The following CLCN5 variants were observed in gnomAD, a reference collection of about 807,000 sequenced individuals.
CLCN5 encodes the protein H(+)/Cl(-) exchange transporter 5.
CLCN5 carries 17 observed loss-of-function variants against 54.0 expected under a neutral mutation model. The observed-to-expected ratio is 0.31, with a 90% confidence interval of 0.22 to 0.47. CLCN5 has a LOEUF of 0.47. CLCN5 is among the 20% of genes least tolerant of loss of function. The probability of loss-of-function intolerance (pLI) is 1.00; values close to 1 mark genes in which losing one functional copy is unlikely to be tolerated. For synonymous variants in CLCN5, 222 were observed against 233.0 expected (o/e 0.95, Z 0.43); for missense variants, 448 against 646.7 (o/e 0.69, Z 3.33).
intron 3 of CLCN5, among the ~76,000 whole-genome samples, chrX:49,983,070 TCAAAA>T (rs1482197622): frequency 1.8e-5 from 2 of 112,063 alleles, no homozygotes; most frequent in African/African-American, 6.5e-5. Flanking sequence ...TGCATATCAC[TCAAAA>T]CAAATGATCA....
chrX:50,056,944 G>A (rs1359401456), intron 4 of CLCN5, among the ~76,000 whole-genome samples: 1 of 111,652 alleles, frequency 9.0e-6, no homozygotes, highest in African/African-American at 3.3e-5. Context: ...CCCTTTTATT[G>A]TCTAGCTCTC....
intron 3 of CLCN5, among the ~76,000 whole-genome samples, chrX:49,959,048 T>TC (rs1927470405): frequency 9.0e-6 from 1 of 111,354 alleles, no homozygotes; most frequent in African/African-American, 3.3e-5. Flanking sequence ...CCTTTTTTTT[T>TC]CTTCAAGATC....
chrX:49,987,282 GT>G (rs1557178390), intron 3 of CLCN5, among the ~76,000 whole-genome samples: 2 of 111,868 alleles, frequency 1.8e-5, no homozygotes, highest in Non-Finnish European at 3.8e-5. Context: ...CAGCCACATA[GT>G]TTTTTGCTAT....
At chrX:49,983,349 T>C (rs1006198016) in intron 3 of CLCN5, among the ~76,000 whole-genome samples, 1 of 111,864 alleles carries the variant, frequency 8.9e-6, no homozygotes, top group African/African-American at 3.2e-5. Context: ...ATTTTTTTAC[T>C]AACACGATGA....
At chrX:49,932,008 C>T (rs1925680757) in intron 3 of CLCN5, among the ~76,000 whole-genome samples, 1 of 111,374 alleles carries the variant, frequency 9.0e-6, no homozygotes, top group African/African-American at 3.3e-5. Context: ...CTCAAACTCC[C>T]AGGCTCAAGC....
chrX:49,933,243 A>C (rs1379952104), intron 3 of CLCN5, among the ~76,000 whole-genome samples: 1 of 111,972 alleles, frequency 8.9e-6, no homozygotes, highest in Non-Finnish European at 1.9e-5. Flanking sequence ...AATAATAAAG[A>C]AATAAATTTA....
intron 3 of CLCN5, among the ~76,000 whole-genome samples, chrX:49,932,439 C>T (rs1557169005): frequency 8.9e-6 from 1 of 111,772 alleles, no homozygotes; most frequent in African/African-American, 3.3e-5. Context: ...ACTTTTATAA[C>T]AGAAAACAAG....
intron 3 of CLCN5, among the ~76,000 whole-genome samples, chrX:49,978,617 G>C (rs1928592028): frequency 8.9e-6 from 1 of 112,590 alleles, no homozygotes; most frequent in African/African-American, 3.2e-5. Flanking sequence ...ATAATGTAAG[G>C]CTTCATTTCC....
intron 8 of CLCN5, 27 bp downstream of exon 8, chrX:50,080,743 T>C: frequency 8.7e-7 from 1 of 1,153,335 alleles, no homozygotes; most frequent in Non-Finnish European, 1.2e-6. Context: ...GGTTTATAAA[T>C]GGTTACAATA....
intron 3 of CLCN5, among the ~76,000 whole-genome samples, chrX:49,962,709 T>G (rs1270611907): frequency 8.9e-6 from 1 of 111,931 alleles, no homozygotes; most frequent in Non-Finnish European, 1.9e-5. Context: ...TTTAGTTGAT[T>G]AGGCTTTAAA....
chrX:49,944,312 G>C (rs1926561808), intron 3 of CLCN5, among the ~76,000 whole-genome samples: 1 of 111,567 alleles, frequency 9.0e-6, no homozygotes, highest in Admixed American at 9.5e-5. Context: ...GGGCTGAGAT[G>C]ATGGGGTTTT....
At chrX:49,998,387 T>C (rs1929633235) in intron 3 of CLCN5, among the ~76,000 whole-genome samples, 2 of 111,692 alleles carry the variant, frequency 1.8e-5, no homozygotes, top group African/African-American at 6.5e-5. Context: ...CCTTCTCACT[T>C]ACTCTCTCAC....
intron 3 of CLCN5, among the ~76,000 whole-genome samples, chrX:50,000,559 T>C (rs1452859347): frequency 9.0e-6 from 1 of 111,606 alleles, no homozygotes; most frequent in Non-Finnish European, 1.9e-5. Flanking sequence ...TGGGTCCTTA[T>C]CATTTTCAGT....
chrX:50,038,482 A>G (rs1359803516), intron 3 of CLCN5, among the ~76,000 whole-genome samples: 2 of 111,650 alleles, frequency 1.8e-5, no homozygotes, highest in African/African-American at 6.5e-5. Flanking sequence ...CTTCTCTGAT[A>G]TTATTGTCAA....
At chrX:50,086,977 C>A in intron 11 of CLCN5, 107 bp downstream of exon 11, 1 of 752,677 alleles carries the variant, frequency 1.3e-6, no homozygotes. Context: ...GCTTTCAAAT[C>A]CCCCTCACAT....
Position 49,985,977 on chromosome X carries a change from T to A in CLCN5, c.17-56339T>A, listed in dbSNP as rs1193518910. 4.5e-5 allele frequency among the ~76,000 whole-genome samples: 5 copies of A among 111,867 alleles called. No individual in the cohort carries two copies. The South Asian group carries it at 1.1e-3, about 25-fold the overall frequency. On this transcript the variant is annotated intron_variant, in intron 3 of 14. Transcript: ENST00000376091. Reference sequence around the variant, plus strand: ...CTTTTTAAATTCATACTCTAGTAAATTTGAGGGATGATTTAATGATATGAA... The same window carrying A: ...CTTTTTAAATTCATACTCTAGTAAAATTGAGGGATGATTTAATGATATGAA...
chrX:50,070,115 T>TC, intron 5 of CLCN5, 85 bp downstream of exon 5: 1 of 920,077 alleles, frequency 1.1e-6, no homozygotes, highest in African/African-American at 1.9e-5. Flanking sequence ...TTCTTTCCTT[T>TC]CTTCAGCCCT....
chrX:50,013,631 C>T (rs1930638306), intron 3 of CLCN5, among the ~76,000 whole-genome samples: 1 of 112,124 alleles, frequency 8.9e-6, no homozygotes, highest in African/African-American at 3.2e-5. Flanking sequence ...AGGAAGGAGC[C>T]TTATTATCTA....
At chrX:49,944,229 G>A (rs1926556485) in intron 3 of CLCN5, among the ~76,000 whole-genome samples, 1 of 111,690 alleles carries the variant, frequency 9.0e-6, no homozygotes, top group Non-Finnish European at 1.9e-5. Flanking sequence ...GTATAAGAAT[G>A]CTTGTGATTT....
Sources: allele counts gnomAD v4.1 joint callset (sites outside exome capture counted in the v4.1 genomes callset), GRCh38; gene constraint gnomAD v4.1.1; transcripts MANE v1.5; gene names NCBI Gene and HGNC (gene_info 2026-07-23, HGNC 2026-07-21).